The following EPHA5 variants were observed in gnomAD, a reference collection of about 807,000 sequenced individuals.
EPHA5 encodes the protein EPH receptor A5.
A neutral mutation model predicts 105.0 loss-of-function variants in EPHA5; 60 were observed. The ratio of observed to expected loss-of-function variants is 0.57; its 90% CI spans 0.46 to 0.71. The LOEUF (loss-of-function observed/expected upper bound fraction) is 0.71, where lower values mean the gene tolerates loss of function less well. Ranked by LOEUF, EPHA5 falls within the 30% of genes least tolerant of loss-of-function variation. The pLI is 0.00. For synonymous variants in EPHA5, 513 were observed against 449.1 expected (o/e 1.14, Z -1.80); for missense variants, 1,218 against 1,274.7 (o/e 0.96, Z 0.68).
At chr4:65,587,382 A>T (rs1274987384) in intron 3 of EPHA5, among the ~76,000 whole-genome samples, 1 of 152,156 alleles carries the variant, frequency 6.6e-6, no homozygotes, top group Non-Finnish European at 1.5e-5. Flanking sequence ...CTTGAATACA[A>T]ATGACACTTT....
intron 5 of EPHA5, among the ~76,000 whole-genome samples, chr4:65,437,130 A>G (rs889976562): frequency 2.0e-5 from 3 of 152,206 alleles, no homozygotes; most frequent in Non-Finnish European, 4.4e-5. Flanking sequence ...TAACACTATG[A>G]TAAGTTATTT....
intron 1 of EPHA5, 84 bp downstream of exon 1, chr4:65,669,478 T>A: frequency 7.8e-7 from 1 of 1,275,358 alleles, no homozygotes; most frequent in Non-Finnish European, 9.9e-7. Context: ...AGCAGCAGCG[T>A]CCAGCGCGCT....
intron 3 of EPHA5, among the ~76,000 whole-genome samples, chr4:65,579,358 GTATATATATATATATATAAA>G: frequency 7.0e-6 from 1 of 142,786 alleles, no homozygotes; most frequent in East Asian, 2.0e-4. Context: ...ATGTATGTGT[GTATATATATATATATATAAA>G]TATATATATA....
At chr4:65,480,668 G>A (rs924085998) in intron 5 of EPHA5, among the ~76,000 whole-genome samples, 5 of 152,074 alleles carry the variant, frequency 3.3e-5, no homozygotes, top group Admixed American at 3.3e-4. Flanking sequence ...GTCATTCATT[G>A]TTCAACAGCT....
intron 1 of EPHA5, among the ~76,000 whole-genome samples, chr4:65,665,011 G>C (rs1337112698): frequency 6.6e-6 from 1 of 151,718 alleles, no homozygotes; most frequent in African/African-American, 2.4e-5. Context: ...TAGTAAAATA[G>C]AATATATTAA....
At chr4:65,535,466 T>C (rs1424665601) in intron 3 of EPHA5, among the ~76,000 whole-genome samples, 2 of 152,166 alleles carry the variant, frequency 1.3e-5, no homozygotes, top group Non-Finnish European at 2.9e-5. Flanking sequence ...TGTCAAATGT[T>C]AAAAATGCAG....
intron 14 of EPHA5, among the ~76,000 whole-genome samples, chr4:65,347,259 G>T (rs1356980294): frequency 6.6e-6 from 1 of 152,136 alleles, no homozygotes; most frequent in Non-Finnish European, 1.5e-5. Context: ...TAATAAAATA[G>T]TTGGTAAAGC....
chr4:65,414,134 T>A, intron 7 of EPHA5, 150 bp downstream of exon 7: 1 of 685,812 alleles, frequency 1.5e-6, no homozygotes, highest in South Asian at 1.9e-5. Context: ...CATAATAGCA[T>A]GACAGATGCT....
At chr4:65,559,834 C>A (rs979358149) in intron 3 of EPHA5, among the ~76,000 whole-genome samples, 2 of 152,056 alleles carry the variant, frequency 1.3e-5, no homozygotes, top group African/African-American at 4.8e-5. Flanking sequence ...TGACATTTTT[C>A]TTTTACATGG....
intron 3 of EPHA5, among the ~76,000 whole-genome samples, chr4:65,523,854 T>G (rs80246069): frequency 2.6e-3 from 396 of 151,964 alleles, no homozygotes; most frequent in African/African-American, 9.0e-3. Context: ...TTCTTCCAAC[T>G]TAGAACAAAG....
intron 8 of EPHA5, among the ~76,000 whole-genome samples, chr4:65,379,209 T>C (rs1049108053): frequency 3.3e-5 from 5 of 151,632 alleles, no homozygotes; most frequent in African/African-American, 9.7e-5. Context: ...ATTCTAAAAA[T>C]AATAACATTT....
chr4:65,393,160 T>G (rs1720888458), intron 8 of EPHA5, among the ~76,000 whole-genome samples: 1 of 152,152 alleles, frequency 6.6e-6, no homozygotes, highest in South Asian at 2.1e-4. Flanking sequence ...TCCAAGCAAA[T>G]GGAGGATGTG....
chr4:65,567,350 TATA>T (rs1739656320), intron 3 of EPHA5, among the ~76,000 whole-genome samples: 1 of 151,632 alleles, frequency 6.6e-6, no homozygotes, highest in Admixed American at 6.6e-5. Context: ...TTGAAATGCT[TATA>T]ATATGTCAAA....
chr4:65,465,477 AAGAAAG>A (rs760001236), intron 5 of EPHA5, among the ~76,000 whole-genome samples: 1,910 of 69,146 alleles, frequency 0.028, 54 homozygotes, highest in Non-Finnish European at 0.043. Flanking sequence ...AAAAGAAAGA[AAGAAAG>A]AAAGAAAGAA....
intron 3 of EPHA5, among the ~76,000 whole-genome samples, chr4:65,565,229 C>G (rs1244210541): frequency 2.0e-5 from 3 of 151,636 alleles, no homozygotes; most frequent in Non-Finnish European, 4.4e-5. Flanking sequence ...GACCAATTTG[C>G]TAATGGATCA....
chr4:65,325,671 A>G (rs1720010941), intron 16 of EPHA5, among the ~76,000 whole-genome samples: 1 of 151,376 alleles, frequency 6.6e-6, no homozygotes, highest in Non-Finnish European at 1.5e-5. Flanking sequence ...AATCATTATT[A>G]TTAATAATGG....
chr4:65,480,304 T>C (rs550371344), intron 5 of EPHA5, among the ~76,000 whole-genome samples: 1 of 152,300 alleles, frequency 6.6e-6, no homozygotes, highest in South Asian at 2.1e-4. Context: ...GAATGCATTA[T>C]TTTTTGAATG....
chr4:65,425,855 A>G (rs1724387765), intron 5 of EPHA5, among the ~76,000 whole-genome samples: 1 of 151,842 alleles, frequency 6.6e-6, no homozygotes, highest in Non-Finnish European at 1.5e-5. Flanking sequence ...TGGTAATTTG[A>G]TTTGTTTGTT....
At chr4:65,454,488 A>G (rs1727382214) in intron 5 of EPHA5, among the ~76,000 whole-genome samples, 1 of 152,190 alleles carries the variant, frequency 6.6e-6, no homozygotes, top group Non-Finnish European at 1.5e-5. Context: ...GGCAAAGAAT[A>G]GTGTAAATGC....
Sources: gnomAD v4.1 joint callset for allele counts (sites outside exome capture counted in the v4.1 genomes callset) on GRCh38, gnomAD v4.1.1 for gene constraint, MANE v1.5 for transcripts, NCBI Gene and HGNC (gene_info 2026-07-23, HGNC 2026-07-21) for gene names.